Variants in DNM3 observed in about 807,000 individuals in gnomAD.
DNM3 encodes the protein dynamin 3.
Under a neutral mutation model 101.6 loss-of-function variants are expected in DNM3, and 47 were observed. The observed-to-expected ratio is 0.46, with a 90% CI of 0.37 to 0.59. The LOEUF (loss-of-function observed/expected upper bound fraction) is 0.59, where lower values mean the gene tolerates loss of function less well. DNM3 is among the 20% of genes least tolerant of loss of function. DNM3 has a pLI of 0.00. For synonymous variants in DNM3, 385 were observed against 387.9 expected, an observed-to-expected ratio of 0.99 and a Z score of 0.09; for missense variants, 849 against 1,085.7, an observed-to-expected ratio of 0.78 and a Z score of 3.06.
At chr1:171,932,390 C>T (rs963197374) in intron 2 of DNM3, among the ~76,000 whole-genome samples, 67 of 151,598 alleles carry the variant, frequency 4.4e-4, no homozygotes, top group African/African-American at 1.5e-3. Context: ...AGTGATCTTC[C>T]GAAAACAATT....
chr1:172,107,112 G>A (rs1328571201), intron 13 of DNM3, among the ~76,000 whole-genome samples: 1 of 150,230 alleles, frequency 6.7e-6, no homozygotes, highest in Non-Finnish European at 1.5e-5. Context: ...CACCCGCCTC[G>A]GCCTCCCAAA....
chr1:172,316,944 C>T (rs1247140092), intron 16 of DNM3, among the ~76,000 whole-genome samples: 2 of 152,152 alleles, frequency 1.3e-5, no homozygotes, highest in African/African-American at 4.8e-5. Context: ...ACATTTTTTT[C>T]AGCACCGCAC....
intron 10 of DNM3, among the ~76,000 whole-genome samples, chr1:172,058,390 A>T (rs2050833427): frequency 6.6e-6 from 1 of 150,808 alleles, no homozygotes; most frequent in African/African-American, 2.4e-5. Context: ...AACAGAATAT[A>T]CATTTTTTTC....
chr1:172,018,803 T>C (rs2047624777), intron 4 of DNM3, among the ~76,000 whole-genome samples: 1 of 152,222 alleles, frequency 6.6e-6, no homozygotes. Context: ...TCTGATTCTC[T>C]TGCTTTCTTT....
At chr1:171,874,185 CAT>C (rs1169041412) in intron 1 of DNM3, among the ~76,000 whole-genome samples, 33 of 152,058 alleles carry the variant, frequency 2.2e-4, no homozygotes, top group African/African-American at 7.5e-4. Context: ...TACAAACACA[CAT>C]AAATTTCTCA....
chr1:172,140,753 A>G (rs1021676648), intron 14 of DNM3, among the ~76,000 whole-genome samples: 1 of 152,000 alleles, frequency 6.6e-6, no homozygotes, highest in Non-Finnish European at 1.5e-5. Flanking sequence ...TGTTCTATTC[A>G]TAAGGCTTTT....
In DNM3 at chr1:172,363,390, A is replaced by G. The variant is rs562389736; in HGVS notation, c.1894-15628A>G. ...TCTCTGCCTCAGTTTATTTGCCCCA[A>G]TCTATGAAGTCACCATATCAGTCTT... is the stretch of plus-strand genomic sequence containing the variant. On this transcript the variant is annotated intron_variant, in intron 17 of 20. Coordinates refer to ENST00000627582, the MANE Select transcript of DNM3 (RefSeq NM_015569.5). 1.7e-4 allele frequency among the ~76,000 whole-genome samples: 26 copies of G among 151,992 alleles called. 1 individual carries two copies. The highest frequency in any genetic ancestry group is 4.1e-4 in the African/African-American group (17 of 41,526).
intron 1 of DNM3, among the ~76,000 whole-genome samples, chr1:171,909,685 A>G (rs1208268155): frequency 6.6e-6 from 1 of 152,094 alleles, no homozygotes; most frequent in African/African-American, 2.4e-5. Context: ...ATATTTTTGT[A>G]TGTAGTTTGT....
intron 11 of DNM3, among the ~76,000 whole-genome samples, chr1:172,069,381 A>G (rs985980303): frequency 6.6e-5 from 10 of 152,188 alleles, no homozygotes; most frequent in African/African-American, 2.4e-4. Flanking sequence ...GATTTTCATC[A>G]GCTTATCCAT....
chr1:171,898,027 A>C (rs1219853408), intron 1 of DNM3, among the ~76,000 whole-genome samples: 1 of 151,964 alleles, frequency 6.6e-6, no homozygotes, highest in Non-Finnish European at 1.5e-5. Flanking sequence ...GGATTTTCCT[A>C]TTCAGGATAT....
intron 10 of DNM3, among the ~76,000 whole-genome samples, chr1:172,061,491 A>G (rs896905382): frequency 2.0e-5 from 3 of 151,506 alleles, no homozygotes; most frequent in Non-Finnish European, 2.9e-5. Flanking sequence ...AATGTGGCAT[A>G]TATACACCAT....
chr1:172,009,455 A>G (rs1202996937), intron 4 of DNM3, among the ~76,000 whole-genome samples: 1 of 151,526 alleles, frequency 6.6e-6, no homozygotes, highest in African/African-American at 2.4e-5. Flanking sequence ...CCAATATTCT[A>G]GCCTTTATCC....
chr1:172,131,354 A>T, intron 14 of DNM3, 66 bp downstream of exon 14: 1 of 1,384,554 alleles, frequency 7.2e-7, no homozygotes, highest in South Asian at 1.2e-5. Context: ...AACTGATATT[A>T]TTATACTATG....
intron 17 of DNM3, among the ~76,000 whole-genome samples, chr1:172,375,182 A>T (rs2068536580): frequency 6.6e-6 from 1 of 152,072 alleles, no homozygotes; most frequent in Admixed American, 6.6e-5. Context: ...TGATGGTGTT[A>T]CAGAATTAAC....
chr1:172,078,114 A>T (rs1216547300), intron 11 of DNM3, among the ~76,000 whole-genome samples: 1 of 151,464 alleles, frequency 6.6e-6, no homozygotes, highest in South Asian at 2.1e-4. Context: ...GTTTTTTTAG[A>T]TGGAGTCTCA....
intron 10 of DNM3, among the ~76,000 whole-genome samples, chr1:172,056,528 C>T (rs1457327601): frequency 5.3e-5 from 8 of 152,108 alleles, no homozygotes; most frequent in Non-Finnish European, 7.4e-5. Flanking sequence ...CAAGTGGGTC[C>T]CTGACCCCTG....
At chr1:171,890,079 G>T (rs2037134322) in intron 1 of DNM3, among the ~76,000 whole-genome samples, 1 of 152,158 alleles carries the variant, frequency 6.6e-6, no homozygotes, top group African/African-American at 2.4e-5. Context: ...AAAACTACAA[G>T]TATATCCGCC....
intron 14 of DNM3, among the ~76,000 whole-genome samples, chr1:172,225,289 A>G (rs1346156881): frequency 6.6e-6 from 1 of 151,194 alleles, no homozygotes; most frequent in Non-Finnish European, 1.5e-5. Context: ...CAGGCGCACC[A>G]CCACGCCCAG....
chr1:171,850,636 T>G (rs1430211963), intron 1 of DNM3, among the ~76,000 whole-genome samples: 5 of 152,224 alleles, frequency 3.3e-5, no homozygotes, highest in African/African-American at 1.2e-4. Flanking sequence ...CATACTGAAG[T>G]CCTTGTAAAT....
Sources: allele counts gnomAD v4.1 joint callset (sites outside exome capture counted in the v4.1 genomes callset), GRCh38; gene constraint gnomAD v4.1.1; transcripts MANE v1.5; gene names NCBI Gene and HGNC (gene_info 2026-07-23, HGNC 2026-07-21).